The following NLN variants were observed in gnomAD, a reference collection of about 807,000 sequenced individuals.
NLN encodes the protein neurolysin, also known as neurolysin, mitochondrial.
A neutral mutation model predicts 79.9 loss-of-function variants in NLN; 64 were observed. The observed-to-expected ratio is 0.80, with a 90% CI of 0.65 to 0.99. The LOEUF (loss-of-function observed/expected upper bound fraction) is 0.99. Among genes scored for constraint, NLN ranks in the 50% least tolerant of loss-of-function variants. The pLI is 0.00. For synonymous variants in NLN, 267 were observed against 296.6 expected, an observed-to-expected ratio of 0.90 and a Z score of 1.02; for missense variants, 835 against 858.7, an observed-to-expected ratio of 0.97 and a Z score of 0.34.
intron 6 of NLN, among the ~76,000 whole-genome samples, chr5:65,782,952 G>A (rs1371595196): frequency 6.6e-6 from 1 of 152,174 alleles, no homozygotes; most frequent in Non-Finnish European, 1.5e-5. Context: ...AGCCTGCAAT[G>A]TCTGGGTCCT....
At chr5:65,800,454 T>A (rs550896893) in intron 9 of NLN, among the ~76,000 whole-genome samples, 7 of 152,204 alleles carry the variant, frequency 4.6e-5, no homozygotes, top group Admixed American at 4.6e-4. Context: ...GGCGGGCAGA[T>A]CACGAGGTCA....
At chr5:65,757,143 G>A (rs1038394776) in intron 1 of NLN, among the ~76,000 whole-genome samples, 3 of 152,072 alleles carry the variant, frequency 2.0e-5, no homozygotes, top group East Asian at 1.9e-4. Flanking sequence ...TGCCTGTCAC[G>A]TAACTAGATA....
chr5:65,763,114 T>G lies in NLN; in HGVS notation c.450+6T>G. ...AGAGAATTGTTCATTTACAGGTAAG[T>G]GGTGTTATAAATCCCTTTAAAGAGG... is the stretch of plus-strand genomic sequence containing the variant. On this transcript the variant is annotated splice_donor_region_variant and intron_variant, in intron 3 of 12. Coordinates refer to ENST00000380985, the MANE Select transcript of NLN (RefSeq NM_020726.5). 1 of 1,612,166 alleles carries G rather than the reference T, an allele frequency of 6.2e-7. No homozygotes were observed. Among genetic ancestry groups the G allele is most frequent in the Non-Finnish European group, 8.5e-7 (1 of 1,178,586 alleles).
chr5:65,739,448 G>C (rs1033825586), intron 1 of NLN, among the ~76,000 whole-genome samples: 1 of 152,026 alleles, frequency 6.6e-6, no homozygotes, highest in Non-Finnish European at 1.5e-5. Flanking sequence ...TCTATGTCTT[G>C]TCTATTGTGA....
At chr5:65,725,983 G>T (rs1758458609) in intron 1 of NLN, among the ~76,000 whole-genome samples, 1 of 152,114 alleles carries the variant, frequency 6.6e-6, no homozygotes, top group South Asian at 2.1e-4. Flanking sequence ...GTGGTGGCGG[G>T]CGCCTGTAGT....
intron 12 of NLN, among the ~76,000 whole-genome samples, chr5:65,822,540 A>G (rs182840971): frequency 1.4e-3 from 215 of 152,328 alleles, no homozygotes; most frequent in African/African-American, 5.1e-3. Context: ...ACTGCTTAGA[A>G]TCTAAGGAGA....
In NLN at chr5:65,732,596, G is replaced by A. The variant is rs1465852553; in HGVS notation, c.41+10182G>A. 1.4e-5 allele frequency among the ~76,000 whole-genome samples: 2 copies of A among 141,638 alleles called. 1 individual carries two copies. The highest frequency in any genetic ancestry group is 3.1e-5 in the Non-Finnish European group (2 of 63,704). 92.9% of individuals were successfully genotyped at this position (141,638 alleles called of 152,430 possible). On this transcript the variant is annotated intron_variant, in intron 1 of 12. Transcript: ENST00000380985. ...AAAAGCGTGCTTCTTGGACAGAGGT[G>A]AGGGAGTAGGCAGGAGAGTGGTATA...
rs903703560 is a variant in NLN, at chr5:65,738,688, C to T, written c.41+16274C>T. Reference sequence around the variant, plus strand: ...TTCCTATCTAAGTGAAATTTTGTATCCTTTGACCAGCATCTCTCCAACTCC... The same window carrying T: ...TTCCTATCTAAGTGAAATTTTGTATTCTTTGACCAGCATCTCTCCAACTCC... On this transcript the variant is annotated intron_variant, in intron 1 of 12. Transcript: ENST00000380985. Among the ~76,000 whole-genome samples, 3 of 151,828 alleles carry T rather than the reference C, an allele frequency of 2.0e-5. No individual in the cohort carries two copies. In the East Asian group the frequency reaches 5.8e-4, roughly 29 times the overall value.
chr5:65,810,973 T>C lies in NLN; in HGVS notation c.1843+808T>C, dbSNP rs201070277. 1.6e-4 allele frequency among the ~76,000 whole-genome samples: 24 copies of C among 152,182 alleles called. No homozygotes were observed. In the East Asian group the frequency reaches 4.1e-3, roughly 26 times the overall value. On this transcript the variant is annotated intron_variant, in intron 11 of 12. Transcript: ENST00000380985. ...CAGCCTGGGTGACACAGTGAGACCC[T>C]GTCTCAAAAAAAATAAAGGGTATTT...
chr5:65,782,595 C>A (rs1436239708), intron 6 of NLN, among the ~76,000 whole-genome samples: 1 of 152,210 alleles, frequency 6.6e-6, no homozygotes, highest in Non-Finnish European at 1.5e-5. Context: ...TTCTCAAATT[C>A]ATGTCTGCAG....
At chr5:65,787,978 C>G in intron 7 of NLN, 140 bp from the exon 8 acceptor site, 1 of 783,426 alleles carries the variant, frequency 1.3e-6, no homozygotes, top group Non-Finnish European at 2.0e-6. Context: ...CGTTTTTCCT[C>G]CTCCTTTACC....
At chr5:65,776,094 A>C (rs1299249733) in intron 3 of NLN, among the ~76,000 whole-genome samples, 1 of 152,138 alleles carries the variant, frequency 6.6e-6, no homozygotes, top group African/African-American at 2.4e-5. Context: ...CTCTACTAAA[A>C]ATGCAAAAAT....
chr5:65,729,806 C>T (rs564432462), intron 1 of NLN, among the ~76,000 whole-genome samples: 2 of 152,182 alleles, frequency 1.3e-5, no homozygotes, highest in Non-Finnish European at 2.9e-5. Flanking sequence ...TGGGAAGAAT[C>T]CCCTGAATTA....
chr5:65,799,844 G>A (rs994544127), intron 9 of NLN, among the ~76,000 whole-genome samples: 13 of 152,080 alleles, frequency 8.5e-5, no homozygotes, highest in African/African-American at 2.7e-4. Flanking sequence ...GTGATCACTC[G>A]GTATGTGTGA....
intron 1 of NLN, among the ~76,000 whole-genome samples, chr5:65,751,630 G>A (rs2561230): frequency 0.21 from 31,634 of 152,064 alleles, 3,418 homozygotes; most frequent in Non-Finnish European, 0.24. Context: ...ATGAGAGGAA[G>A]TAGAGGACTT....
intron 9 of NLN, among the ~76,000 whole-genome samples, chr5:65,801,623 C>A (rs1021076348): frequency 6.6e-6 from 1 of 152,186 alleles, no homozygotes; most frequent in Non-Finnish European, 1.5e-5. Flanking sequence ...TTATTTTTAG[C>A]TTTTTCTCCT....
chr5:65,757,839 AAGAAG>A (rs1288508670), intron 1 of NLN, among the ~76,000 whole-genome samples: 4 of 152,160 alleles, frequency 2.6e-5, no homozygotes, highest in Admixed American at 2.0e-4. Flanking sequence ...TGTTCAGTAT[AAGAAG>A]AGAAGTTTTT....
At chr5:65,780,311 C>G (rs61280192) in intron 5 of NLN, 30 bp downstream of exon 5, 3 of 903,080 alleles carry the variant, frequency 3.3e-6, no homozygotes, top group Non-Finnish European at 5.2e-6. Context: ...TAGATTAAAT[C>G]ATATAATTTA....
intron 7 of NLN, among the ~76,000 whole-genome samples, chr5:65,786,679 A>G (rs1227968270): frequency 6.6e-6 from 1 of 152,010 alleles, no homozygotes; most frequent in East Asian, 1.9e-4. Flanking sequence ...AAACAAAGAG[A>G]CCCCAACCCT....
Sources: allele counts gnomAD v4.1 joint callset (sites outside exome capture counted in the v4.1 genomes callset), GRCh38; gene constraint gnomAD v4.1.1; transcripts MANE v1.5; gene names NCBI Gene and HGNC (gene_info 2026-07-23, HGNC 2026-07-21).